The following POC1B variants were observed in gnomAD, a reference collection of about 807,000 sequenced individuals.
The protein encoded by POC1B is POC1 centriolar protein B.
POC1B carries 44 observed loss-of-function variants against 60.6 expected under a neutral mutation model. That is an observed-to-expected ratio of 0.73 (90% CI 0.57 to 0.93). The LOEUF (loss-of-function observed/expected upper bound fraction) is 0.93, where lower values mean the gene tolerates loss of function less well. Ranked by LOEUF, POC1B falls within the 40% of genes least tolerant of loss-of-function variation. The probability of loss-of-function intolerance (pLI) is 0.00; values close to 1 mark genes in which losing one functional copy is unlikely to be tolerated. For synonymous variants in POC1B, 180 were observed against 198.9 expected, an observed-to-expected ratio of 0.90 and a Z score of 0.80; for missense variants, 555 against 572.3, an observed-to-expected ratio of 0.97 and a Z score of 0.31.
intron 7 of POC1B, 63 bp from the exon 8 acceptor site, chr12:89,467,748 A>C: frequency 3.1e-6 from 4 of 1,280,438 alleles, no homozygotes; most frequent in Non-Finnish European, 3.3e-6. Flanking sequence ...GGCCAAGAAG[A>C]CTATGGATAT....
In POC1B at chr12:89,500,857, A is replaced by C. The variant is rs936017649; in HGVS notation, c.101-3515T>G. 15 of 1,056,178 alleles carry C rather than the reference A, an allele frequency of 1.4e-5. No individual in the cohort carries two copies. The African/African-American group carries it at 2.4e-4, about 17-fold the overall frequency. 65.4% of individuals were successfully genotyped at this position (1,056,178 alleles called of 1,614,324 possible). ...CAGAATAGAATACGACATTCAGAATATGAAATTCAATGACAAGCTAAAAAA... is the reference window on the plus strand; with the variant it reads ...CAGAATAGAATACGACATTCAGAATCTGAAATTCAATGACAAGCTAAAAAA... On this transcript the variant is annotated intron_variant, in intron 2 of 11. Coordinates refer to ENST00000313546, the MANE Select transcript of POC1B (RefSeq NM_172240.3).
At chr12:89,503,074 G>A (rs960260319) in intron 2 of POC1B, among the ~76,000 whole-genome samples, 1 of 84,930 alleles carries the variant, frequency 1.2e-5, no homozygotes, top group Non-Finnish European at 2.6e-5. Flanking sequence ...GTGAAAAAAA[G>A]ACATCTATCC....
At position 89,506,725 on chromosome 12, in the gene POC1B, A is replaced by C. The variant is rs142231805; in HGVS notation, c.101-9383T>G. On this transcript the variant is annotated intron_variant, in intron 2 of 11. Transcript: ENST00000313546. The stretch of plus-strand genomic sequence containing the variant: ...AGAATTTCATAGCATTAAACTAAGC[A>C]TGGGGCCCTGTGCAACTGTACAGGA... 2.1e-3 allele frequency among the ~76,000 whole-genome samples: 317 copies of C among 152,274 alleles called. 1 individual carries two copies. The highest frequency in any genetic ancestry group is 6.7e-3 in the African/African-American group (279 of 41,562).
At chr12:89,451,234 A>T (rs528717472) in intron 10 of POC1B, among the ~76,000 whole-genome samples, 2 of 152,340 alleles carry the variant, frequency 1.3e-5, no homozygotes, top group South Asian at 4.1e-4. Flanking sequence ...ATAGATACAT[A>T]AAAAGTATGA....
intron 4 of POC1B, among the ~76,000 whole-genome samples, chr12:89,478,004 A>G (rs1467488161): frequency 1.3e-5 from 2 of 152,176 alleles, no homozygotes; most frequent in African/African-American, 4.8e-5. Flanking sequence ...TCACTTCCTC[A>G]GGAACGGCCT....
chr12:89,466,000 G>A (rs937693557), intron 9 of POC1B, among the ~76,000 whole-genome samples: 3 of 152,190 alleles, frequency 2.0e-5, no homozygotes, highest in African/African-American at 4.8e-5. Context: ...TGCGGCTACC[G>A]TGCATTGCTG....
intron 11 of POC1B, among the ~76,000 whole-genome samples, chr12:89,422,640 A>G (rs1332611283): frequency 6.6e-6 from 1 of 152,224 alleles, no homozygotes; most frequent in Non-Finnish European, 1.5e-5. Context: ...TAGTGACTCA[A>G]TGTCTATATC....
chr12:89,490,495 C>A (rs565933218), intron 4 of POC1B, among the ~76,000 whole-genome samples: 2 of 152,234 alleles, frequency 1.3e-5, no homozygotes, highest in South Asian at 4.2e-4. Context: ...CAGGCACCTG[C>A]CACCACGCCT....
At chr12:89,518,030 G>C (rs1273951350) in intron 2 of POC1B, among the ~76,000 whole-genome samples, 1 of 151,488 alleles carries the variant, frequency 6.6e-6, no homozygotes, top group Non-Finnish European at 1.5e-5. Context: ...AGCTTGGCAC[G>C]AATGAAAAAG....
chr12:89,510,607 T>C (rs1565756488), intron 2 of POC1B, among the ~76,000 whole-genome samples: 1 of 152,152 alleles, frequency 6.6e-6, no homozygotes, highest in Non-Finnish European at 1.5e-5. Flanking sequence ...GATCATAGTT[T>C]TCACACTCTC....
At chr12:89,500,193 TTCTGGAAA>T in intron 2 of POC1B, 1 of 1,599,050 alleles carries the variant, frequency 6.3e-7, no homozygotes, top group Non-Finnish European at 8.5e-7. Flanking sequence ...GGCCAGAATG[TTCTGGAAA>T]TCTTACAAGA....
intron 4 of POC1B, among the ~76,000 whole-genome samples, chr12:89,479,738 T>A (rs909762949): frequency 2.0e-5 from 3 of 151,842 alleles, no homozygotes; most frequent in Non-Finnish European, 4.4e-5. Flanking sequence ...ATTACTTAAG[T>A]CCATGGCATA....
At chr12:89,474,523 A>G (rs1883033187) in intron 4 of POC1B, among the ~76,000 whole-genome samples, 1 of 152,210 alleles carries the variant, frequency 6.6e-6, no homozygotes, top group South Asian at 2.1e-4. Context: ...AACACATTAC[A>G]TGTAGCAACT....
chr12:89,489,851 G>T (rs1316570555), intron 4 of POC1B, among the ~76,000 whole-genome samples: 1 of 152,156 alleles, frequency 6.6e-6, no homozygotes, highest in African/African-American at 2.4e-5. Flanking sequence ...CTTAGTCAGG[G>T]TAACTGGTTT....
At chr12:89,502,379 A>AT in intron 2 of POC1B, 1 of 1,592,498 alleles carries the variant, frequency 6.3e-7, no homozygotes. Context: ...CAGCAAATAG[A>AT]TTATCAAGGA....
Position 89,459,622 on chromosome 12 carries a change from A to AT in POC1B, c.1113+15_1113+16insA. ...GCCACTTAAGTGTCAAAAAAAAAAAAAAAAACCCGACTTACTGTGGTAGAA... is the reference window on the plus strand; with the variant it reads ...GCCACTTAAGTGTCAAAAAAAAAAAATAAAAACCCGACTTACTGTGGTAGAA... On this transcript the variant is annotated intron_variant, in intron 10 of 11. Coordinates refer to ENST00000313546, the MANE Select transcript of POC1B (RefSeq NM_172240.3). 7.2e-7 allele frequency: 1 copy of AT among 1,388,758 alleles called. No homozygotes were observed. The highest frequency in any genetic ancestry group is 9.7e-7 in the Non-Finnish European group (1 of 1,028,930). The allele number at this position is 1,388,758 out of a possible 1,614,324, so 86.0% of individuals were successfully genotyped here.
At chr12:89,408,776 C>T in the POC1B span, among the ~76,000 whole-genome samples, 1 of 152,154 alleles carries the variant, frequency 6.6e-6, no homozygotes, top group East Asian at 1.9e-4. Context: ...CGTGAGCCAC[C>T]GCGCCTGGCC....
At chr12:89,473,933 G>A (rs563385856) in intron 4 of POC1B, among the ~76,000 whole-genome samples, 9 of 150,920 alleles carry the variant, frequency 6.0e-5, no homozygotes, top group South Asian at 2.1e-4. Context: ...GGCCAGGCGC[G>A]GTGGCTCATG....
downstream of POC1B, among the ~76,000 whole-genome samples, chr12:89,415,850 A>G (rs1250774945): frequency 1.3e-5 from 2 of 150,228 alleles, no homozygotes; most frequent in Non-Finnish European, 3.0e-5. Flanking sequence ...ATTTGCATCA[A>G]GTTTTTCTGG....
Sources: allele counts gnomAD v4.1 joint callset (sites outside exome capture counted in the v4.1 genomes callset), GRCh38; gene constraint gnomAD v4.1.1; transcripts MANE v1.5; gene names NCBI Gene and HGNC (gene_info 2026-07-23, HGNC 2026-07-21).